HHAT: variants seen among roughly 807,000 people sequenced by gnomAD.
The protein encoded by HHAT is hedgehog acyltransferase, also known as protein-cysteine N-palmitoyltransferase HHAT.
HHAT carries 47 observed loss-of-function variants against 70.8 expected under a neutral mutation model. That is an observed-to-expected ratio of 0.66 (90% CI 0.53 to 0.85). The LOEUF (loss-of-function observed/expected upper bound fraction) is 0.85. HHAT is among the 40% of genes least tolerant of loss of function. The pLI is 0.00. For missense variants in HHAT, 609 were observed against 604.8 expected, an observed-to-expected ratio of 1.01 and a Z score of -0.07; for synonymous variants, 228 against 247.6, an observed-to-expected ratio of 0.92 and a Z score of 0.74.
At chr1:210,499,934 A>G (rs1056987380) in intron 8 of HHAT, among the ~76,000 whole-genome samples, 1 of 152,216 alleles carries the variant, frequency 6.6e-6, no homozygotes, top group Non-Finnish European at 1.5e-5. Context: ...TTAGAATGAG[A>G]ATGATAATAA....
At chr1:210,646,537 C>A (rs1387153676) in intron 11 of HHAT, among the ~76,000 whole-genome samples, 4 of 152,040 alleles carry the variant, frequency 2.6e-5, no homozygotes, top group African/African-American at 9.7e-5. Context: ...CTATTTCTTG[C>A]TTTTATGAAA....
chr1:210,554,608 C>T (rs903140486), intron 9 of HHAT, among the ~76,000 whole-genome samples: 6 of 152,038 alleles, frequency 3.9e-5, no homozygotes, highest in Non-Finnish European at 5.9e-5. Context: ...AGCGAGGAGG[C>T]GGGGAGGTTT....
Position 210,338,666 on chromosome 1 carries a change from G to A in HHAT, c.-44+9562G>A, listed in dbSNP as rs552372509. On this transcript the variant is annotated intron_variant, in intron 1 of 11. Transcript: ENST00000261458. ...GGAAATTGAGGCTCAGAGAGGTTGT[G>A]CACCTTGTCCTAGGTCACACAACCA... Among the ~76,000 whole-genome samples, 3 of 152,248 alleles carry A rather than the reference G, an allele frequency of 2.0e-5. No homozygotes were observed. The East Asian group carries it at 5.8e-4, about 29-fold the overall frequency.
chr1:210,583,186 A>C (rs1368508093), intron 9 of HHAT, among the ~76,000 whole-genome samples: 1 of 152,212 alleles, frequency 6.6e-6, no homozygotes, highest in African/African-American at 2.4e-5. Flanking sequence ...GAAGTCATCA[A>C]TACTGTCTAC....
chr1:210,520,217 G>A (rs564422014), intron 9 of HHAT, among the ~76,000 whole-genome samples: 16 of 152,052 alleles, frequency 1.1e-4, no homozygotes, highest in African/African-American at 3.6e-4. Context: ...GGGTTTCACT[G>A]TGTTGGCCAG....
At chr1:210,575,454 ATC>A (rs1430132309) in intron 9 of HHAT, among the ~76,000 whole-genome samples, 1 of 152,152 alleles carries the variant, frequency 6.6e-6, no homozygotes, top group Non-Finnish European at 1.5e-5. Flanking sequence ...CCTCCAAAGA[ATC>A]TGTTTTATAT....
At chr1:210,344,797 A>G (rs757591844) in intron 1 of HHAT, among the ~76,000 whole-genome samples, 22 of 152,184 alleles carry the variant, frequency 1.4e-4, no homozygotes, top group Non-Finnish European at 3.1e-4. Flanking sequence ...CTCCCCTACC[A>G]GGAGATGGCT....
At chr1:210,332,319 G>A (rs543591604) in intron 1 of HHAT, among the ~76,000 whole-genome samples, 1 of 152,370 alleles carries the variant, frequency 6.6e-6, no homozygotes, top group South Asian at 2.1e-4. Context: ...CAACAAAAGT[G>A]CAAGTGACAT....
At chr1:210,342,607 A>G (rs2086137238) in intron 1 of HHAT, among the ~76,000 whole-genome samples, 1 of 152,226 alleles carries the variant, frequency 6.6e-6, no homozygotes, top group African/African-American at 2.4e-5. Flanking sequence ...GCTATCTCAC[A>G]GCTACCCACT....
chr1:210,588,240 A>G, intron 10 of HHAT, 141 bp downstream of exon 10: 3 of 652,730 alleles, frequency 4.6e-6, no homozygotes, highest in Non-Finnish European at 7.8e-6. Flanking sequence ...GCCTAGAGGC[A>G]AGACAGCTGG....
chr1:210,520,641 T>A (rs1037795969), intron 9 of HHAT, among the ~76,000 whole-genome samples: 9 of 152,204 alleles, frequency 5.9e-5, no homozygotes, highest in Middle Eastern at 3.2e-3. Flanking sequence ...GAGTACCTGA[T>A]ACCATCCTCC....
chr1:210,359,608 C>T (rs991726066), intron 2 of HHAT, among the ~76,000 whole-genome samples: 1 of 152,108 alleles, frequency 6.6e-6, no homozygotes, highest in Non-Finnish European at 1.5e-5. Context: ...GGCCCTCTAC[C>T]TGCCAAATTA....
At chr1:210,448,103 G>A (rs72747415) in intron 7 of HHAT, among the ~76,000 whole-genome samples, 1,879 of 138,936 alleles carry the variant, frequency 0.014, 28 homozygotes, top group Non-Finnish European at 0.018. Flanking sequence ...TTTTTGAGAT[G>A]AAGTCTCGTT....
intron 3 of HHAT, among the ~76,000 whole-genome samples, chr1:210,370,688 C>G (rs1228094962): frequency 7.1e-6 from 1 of 141,042 alleles, no homozygotes; most frequent in Non-Finnish European, 1.5e-5. Context: ...GATCTTGGCT[C>G]ACTGCAACCT....
intron 3 of HHAT, among the ~76,000 whole-genome samples, chr1:210,377,532 G>A (rs991878397): frequency 6.6e-6 from 1 of 152,184 alleles, no homozygotes; most frequent in Non-Finnish European, 1.5e-5. Context: ...AAGTTAAACC[G>A]AATAGACTCT....
At chr1:210,433,090 T>C (rs946943997) in intron 7 of HHAT, among the ~76,000 whole-genome samples, 1 of 151,674 alleles carries the variant, frequency 6.6e-6, no homozygotes, top group African/African-American at 2.4e-5. Flanking sequence ...GAAGAAGATA[T>C]ACAACAGATC....
chr1:210,450,791 C>T (rs917432868), intron 7 of HHAT, among the ~76,000 whole-genome samples: 5 of 151,930 alleles, frequency 3.3e-5, no homozygotes, highest in African/African-American at 9.7e-5. Context: ...CTGGCAGTAA[C>T]GTTTTTTCTC....
chr1:210,509,127 A>C (rs2094911852), intron 8 of HHAT, among the ~76,000 whole-genome samples: 1 of 152,230 alleles, frequency 6.6e-6, no homozygotes, highest in Non-Finnish European at 1.5e-5. Flanking sequence ...GCACCAACTG[A>C]ATAACTGCAA....
At chr1:210,329,336 G>T in intron 1 of HHAT, 1 of 1,209,506 alleles carries the variant, frequency 8.3e-7, no homozygotes, top group Non-Finnish European at 1.0e-6. Flanking sequence ...TAGGCGCCGG[G>T]ACAAGTCCGC....
Sources: allele counts gnomAD v4.1 joint callset (sites outside exome capture counted in the v4.1 genomes callset), GRCh38; gene constraint gnomAD v4.1.1; transcripts MANE v1.5; gene names NCBI Gene and HGNC (gene_info 2026-07-23, HGNC 2026-07-21).